Variants in HMGB1 observed in about 807,000 individuals in gnomAD.
HMGB1 encodes high mobility group box 1, also known as high mobility group protein B1.
For synonymous variants in HMGB1, 81 were observed against 84.0 expected, an observed-to-expected ratio of 0.96 and a Z score of 0.19; for missense variants, 79 against 253.5, an observed-to-expected ratio of 0.31 and a Z score of 4.67.
intron 1 of HMGB1, among the ~76,000 whole-genome samples, chr13:30,578,749 A>G (rs1036909880): frequency 6.6e-6 from 1 of 152,198 alleles, no homozygotes; most frequent in Admixed American, 6.5e-5. Flanking sequence ...TTCTCTATAT[A>G]TACCTATACT....
intron 1 of HMGB1, chr13:30,464,705 G>A (rs1265998729): frequency 1.7e-5 from 15 of 857,616 alleles, no homozygotes; most frequent in South Asian, 6.0e-5. Context: ...CGTCTTCTCC[G>A]CCTGCGCCGC....
chr13:30,470,460 C>T (rs564484746), upstream of HMGB1, among the ~76,000 whole-genome samples: 44 of 152,184 alleles, frequency 2.9e-4, 1 homozygote, highest in South Asian at 1.9e-3. Context: ...GGGAGAGGCA[C>T]AGTTGGAGGG....
At chr13:30,495,475 CTTTTCTTTTTTT>C (rs1354424589) in intron 1 of HMGB1, among the ~76,000 whole-genome samples, 2 of 141,516 alleles carry the variant, frequency 1.4e-5, no homozygotes, top group Admixed American at 7.5e-5. Context: ...TTTTCTTTTT[CTTTTCTTTTTTT>C]TTTTTTTTGG....
chr13:30,478,245 G>A (rs1887144394), intron 1 of HMGB1, among the ~76,000 whole-genome samples: 1 of 152,196 alleles, frequency 6.6e-6, no homozygotes, highest in East Asian at 1.9e-4. Flanking sequence ...GCCAAGGCAG[G>A]AGGATCACTT....
rs377506890 is a variant in HMGB1, at chr13:30,510,864, A to G, written c.-14-47170T>C. Among the ~76,000 whole-genome samples, 6 of 152,354 alleles carry G rather than the reference A, an allele frequency of 3.9e-5. No homozygotes were observed. The South Asian group carries it at 6.2e-4, about 16-fold the overall frequency. On this transcript the variant is annotated intron_variant, in intron 1 of 4. Transcript: ENST00000405805. ...TCCTCCAGCCCTCCTCAATCAGTCC[A>G]GTATCCTCAGTTTCTCTCCAAATTC...
chr13:30,582,779 AT>A (rs1385566090), intron 1 of HMGB1, among the ~76,000 whole-genome samples: 1 of 152,220 alleles, frequency 6.6e-6, no homozygotes, highest in Non-Finnish European at 1.5e-5. Flanking sequence ...TATTTAACAA[AT>A]GTTTCTGCTG....
intron 1 of HMGB1, among the ~76,000 whole-genome samples, chr13:30,563,877 A>C (rs1870068531): frequency 6.6e-6 from 1 of 152,208 alleles, no homozygotes; most frequent in African/African-American, 2.4e-5. Flanking sequence ...TTTATTAACA[A>C]CTTGTTTAAG....
At chr13:30,481,981 C>A (rs1379149282) in intron 1 of HMGB1, among the ~76,000 whole-genome samples, 1 of 152,140 alleles carries the variant, frequency 6.6e-6, no homozygotes, top group Non-Finnish European at 1.5e-5. Context: ...AGGTGTGTGC[C>A]ACCACGCCCA....
intron 1 of HMGB1, among the ~76,000 whole-genome samples, chr13:30,492,072 G>A (rs1369663918): frequency 1.3e-5 from 2 of 152,128 alleles, no homozygotes; most frequent in Non-Finnish European, 2.9e-5. Flanking sequence ...GGAGGCTGAG[G>A]CAGGAGAATC....
intron 1 of HMGB1, among the ~76,000 whole-genome samples, chr13:30,586,477 TTG>T (rs377706450): frequency 1.5e-4 from 14 of 91,618 alleles, no homozygotes; most frequent in South Asian, 3.1e-4. Flanking sequence ...CTGGTTTTTT[TTG>T]TTTTTTTTTT....
At chr13:30,617,438 G>GGAGAGGGTC (rs1263154826) in exon 1 of HMGB1, 4 of 151,986 alleles carry the variant, frequency 2.6e-5, no homozygotes, top group African/African-American at 7.2e-5. Context: ...CCGCGCCGGC[G>GGAGAGGGTC]GAGAGGGTCC....
intron 1 of HMGB1, among the ~76,000 whole-genome samples, chr13:30,488,940 G>A (rs1412244599): frequency 1.3e-5 from 2 of 151,976 alleles, no homozygotes; most frequent in Non-Finnish European, 2.9e-5. Flanking sequence ...TGACCTAAAA[G>A]GAGGACCTGA....
chr13:30,460,495 T>C lies in HMGB1; in HGVS notation c.*862A>G, dbSNP rs957840455. The stretch of plus-strand genomic sequence containing the variant: ...TAATGTGGGAACTGCAAAATATAAC[T>C]GCCATTACATGGTAATGGGAGTTAA... On this transcript the variant is annotated 3_prime_UTR_variant, in exon 5 of 5. Coordinates refer to ENST00000341423, the MANE Select transcript of HMGB1 (RefSeq NM_002128.7). 2 of 151,858 alleles carry C rather than the reference T, an allele frequency of 1.3e-5. No individual in the cohort carries two copies. The highest frequency in any genetic ancestry group is 4.9e-5 in the African/African-American group (2 of 41,206). 9.4% of individuals were successfully genotyped at this position (151,858 alleles called of 1,614,324 possible).
At chr13:30,598,556 C>T (rs529333446) in intron 1 of HMGB1, among the ~76,000 whole-genome samples, 1 of 152,296 alleles carries the variant, frequency 6.6e-6, no homozygotes, top group East Asian at 1.9e-4. Context: ...AATCCTGTTG[C>T]TTAGGAAAAA....
At chr13:30,512,983 TG>T (rs2137465421) in intron 1 of HMGB1, among the ~76,000 whole-genome samples, 1 of 152,224 alleles carries the variant, frequency 6.6e-6, no homozygotes, top group African/African-American at 2.4e-5. Flanking sequence ...GCCAACGTGG[TG>T]AAACCCCATC....
chr13:30,560,226 G>A (rs776369264), intron 1 of HMGB1, among the ~76,000 whole-genome samples: 1 of 152,150 alleles, frequency 6.6e-6, no homozygotes, highest in African/African-American at 2.4e-5. Flanking sequence ...GAAGCACCAG[G>A]AAAAAGTAGG....
chr13:30,504,168 A>G (rs185093069), intron 1 of HMGB1, among the ~76,000 whole-genome samples: 4 of 152,274 alleles, frequency 2.6e-5, no homozygotes, highest in Admixed American at 2.6e-4. Context: ...AGAAGGTGGA[A>G]TGAGATGGGT....
At chr13:30,475,761 T>A (rs1470996056) in intron 1 of HMGB1, among the ~76,000 whole-genome samples, 1 of 152,102 alleles carries the variant, frequency 6.6e-6, no homozygotes, top group African/African-American at 2.4e-5. Flanking sequence ...AAAATCCAGA[T>A]ATTTGGCTTC....
At chr13:30,466,336 T>C (rs1276139432), upstream of HMGB1, among the ~76,000 whole-genome samples, 2 of 146,882 alleles carry the variant, frequency 1.4e-5, no homozygotes, top group African/African-American at 5.0e-5. Flanking sequence ...CCAAAGCCGT[T>C]GAGATAAGAG....
Sources: allele counts gnomAD v4.1 joint callset (sites outside exome capture counted in the v4.1 genomes callset), GRCh38; gene constraint gnomAD v4.1.1; transcripts MANE v1.5; gene names NCBI Gene and HGNC (gene_info 2026-07-23, HGNC 2026-07-21).